The following CNTN5 variants were observed in gnomAD, a reference collection of about 807,000 sequenced individuals.
CNTN5 encodes contactin 5, also known as contactin-5.
In CNTN5, 77 loss-of-function variants were observed where a neutral mutation model predicts 129.1. The ratio of observed to expected loss-of-function variants is 0.60; its 90% CI spans 0.50 to 0.72. The LOEUF (loss-of-function observed/expected upper bound fraction) is 0.72, where lower values mean the gene tolerates loss of function less well. Ranked by LOEUF, CNTN5 falls within the 30% of genes least tolerant of loss-of-function variation. CNTN5 has a pLI of 0.00. For missense variants in CNTN5, 1,478 were observed against 1,328.8 expected (o/e 1.11, Z -1.75); for synonymous variants, 509 against 465.6 (o/e 1.09, Z -1.20).
intron 15 of CNTN5, among the ~76,000 whole-genome samples, chr11:100,219,847 T>C (rs1490496810): frequency 6.6e-6 from 1 of 152,206 alleles, no homozygotes; most frequent in Admixed American, 6.5e-5. Context: ...TATTCAAGCA[T>C]GTAGGTTAAA....
intron 1 of CNTN5, among the ~76,000 whole-genome samples, chr11:99,036,724 A>G (rs1261237084): frequency 1.3e-5 from 2 of 152,176 alleles, no homozygotes. Context: ...CACTGTAGCC[A>G]ACACACTGTG....
chr11:99,555,734 C>G (rs910208492), intron 2 of CNTN5, among the ~76,000 whole-genome samples: 1 of 151,720 alleles, frequency 6.6e-6, no homozygotes, highest in African/African-American at 2.4e-5. Context: ...CTTGGCCAAC[C>G]GATCATTAGT....
chr11:99,578,181 G>A (rs1345661606), intron 3 of CNTN5, among the ~76,000 whole-genome samples: 2 of 151,982 alleles, frequency 1.3e-5, no homozygotes, highest in Non-Finnish European at 2.9e-5. Context: ...TGGCTGCATA[G>A]TATTCCATGG....
chr11:99,218,208 C>T (rs1310349822), intron 1 of CNTN5, among the ~76,000 whole-genome samples: 1 of 152,096 alleles, frequency 6.6e-6, no homozygotes, highest in Admixed American at 6.6e-5. Context: ...TTCCCTTGGA[C>T]TCTGTGACAT....
chr11:99,592,836 A>G (rs899129514), intron 3 of CNTN5, among the ~76,000 whole-genome samples: 2 of 152,296 alleles, frequency 1.3e-5, no homozygotes, highest in Middle Eastern at 3.4e-3. Context: ...AGGTGAATAT[A>G]GTAGTCTGAG....
chr11:99,377,202 A>G (rs976454620), intron 2 of CNTN5, among the ~76,000 whole-genome samples: 7 of 151,976 alleles, frequency 4.6e-5, no homozygotes, highest in African/African-American at 7.2e-5. Context: ...GGTAAAAAAG[A>G]AAAAAAAGCA....
chr11:99,527,977 A>T (rs1256987115), intron 2 of CNTN5, among the ~76,000 whole-genome samples: 1 of 152,188 alleles, frequency 6.6e-6, no homozygotes, highest in Non-Finnish European at 1.5e-5. Context: ...GTAATCTTTG[A>T]AGGAAATTTT....
chr11:100,030,875 T>G (rs2137613210), intron 9 of CNTN5, among the ~76,000 whole-genome samples: 1 of 152,318 alleles, frequency 6.6e-6, no homozygotes, highest in African/African-American at 2.4e-5. Flanking sequence ...TGATAGAATC[T>G]AAGAATCAGG....
intron 1 of CNTN5, among the ~76,000 whole-genome samples, chr11:99,192,821 G>A (rs989765208): frequency 5.3e-5 from 8 of 151,938 alleles, no homozygotes; most frequent in Non-Finnish European, 7.4e-5. Flanking sequence ...TGTTTTTCTC[G>A]GGACTTTAGT....
chr11:100,110,766 T>A (rs1032431659), intron 13 of CNTN5, among the ~76,000 whole-genome samples: 4 of 152,234 alleles, frequency 2.6e-5, no homozygotes, highest in African/African-American at 7.2e-5. Context: ...CAGAGATTGA[T>A]AGAAGCCACA....
At chr11:100,288,025 T>C (rs1261291442) in intron 18 of CNTN5, among the ~76,000 whole-genome samples, 5 of 151,914 alleles carry the variant, frequency 3.3e-5, no homozygotes, top group Admixed American at 6.6e-5. Flanking sequence ...CATTACATAA[T>C]GGTAAAGGGA....
intron 2 of CNTN5, among the ~76,000 whole-genome samples, chr11:99,368,474 C>T (rs937062164): frequency 2.5e-4 from 37 of 150,324 alleles, no homozygotes; most frequent in Non-Finnish European, 3.5e-4. Context: ...CAACTCTTGT[C>T]TTAAATTAAA....
At chr11:99,222,858 G>T (rs575683694) in intron 1 of CNTN5, among the ~76,000 whole-genome samples, 23 of 152,200 alleles carry the variant, frequency 1.5e-4, no homozygotes, top group Middle Eastern at 3.4e-3. Flanking sequence ...ATTGATTTAA[G>T]TGTTCTTTAA....
chr11:100,255,640 T>G (rs1238404213), intron 16 of CNTN5, 120 bp from the exon 17 acceptor site: 2 of 841,970 alleles, frequency 2.4e-6, no homozygotes, highest in Admixed American at 3.0e-5. Flanking sequence ...TTTTAATTAC[T>G]AAATTCATAT....
At chr11:99,588,765 C>G (rs1458461733) in intron 3 of CNTN5, among the ~76,000 whole-genome samples, 2 of 152,088 alleles carry the variant, frequency 1.3e-5, no homozygotes, top group African/African-American at 4.8e-5. Context: ...TGGTGGCAAC[C>G]GTGTCAATAT....
intron 3 of CNTN5, among the ~76,000 whole-genome samples, chr11:99,680,118 A>G (rs1271955905): frequency 6.6e-6 from 1 of 152,224 alleles, no homozygotes; most frequent in Non-Finnish European, 1.5e-5. Flanking sequence ...CACAAAAATG[A>G]AAGATGAAGC....
chr11:99,341,117 G>A lies in CNTN5; in HGVS notation c.-71+15633G>A, dbSNP rs956127151. On this transcript the variant is annotated intron_variant, in intron 2 of 24. Coordinates refer to ENST00000524871, the MANE Select transcript of CNTN5 (RefSeq NM_014361.4). ...ATTAGATAAAAGCCTAACAAGAGATGAAACAAGAATTCAATACCATCTTGT... is the reference window on the plus strand; with the variant it reads ...ATTAGATAAAAGCCTAACAAGAGATAAAACAAGAATTCAATACCATCTTGT... Among the ~76,000 whole-genome samples the A allele has an allele frequency of 3.3e-5, 5 of 152,206 alleles. No homozygotes were observed. The East Asian group carries it at 9.6e-4, about 29-fold the overall frequency.
At chr11:99,353,810 A>G (rs78445445) in intron 2 of CNTN5, among the ~76,000 whole-genome samples, 3,588 of 152,270 alleles carry the variant, frequency 0.024, 119 homozygotes, top group African/African-American at 0.081. Context: ...TACCCACATC[A>G]TAGCTGTGTT....
intron 13 of CNTN5, among the ~76,000 whole-genome samples, chr11:100,183,867 C>G (rs919512869): frequency 2.0e-5 from 3 of 152,160 alleles, no homozygotes; most frequent in Non-Finnish European, 2.9e-5. Context: ...CTATGTTCTA[C>G]AGGGTCTCCC....
Sources: gnomAD v4.1 joint callset for allele counts (sites outside exome capture counted in the v4.1 genomes callset) on GRCh38, gnomAD v4.1.1 for gene constraint, MANE v1.5 for transcripts, NCBI Gene and HGNC (gene_info 2026-07-23, HGNC 2026-07-21) for gene names.